Variants in FAF1 observed in about 807,000 individuals in gnomAD.
The protein encoded by FAF1 is Fas associated factor 1.
Under a neutral mutation model 92.5 loss-of-function variants are expected in FAF1, and 25 were observed. The observed-to-expected ratio is 0.27, with a 90% CI of 0.20 to 0.38. FAF1 has a LOEUF of 0.38. FAF1 is among the 10% of genes least tolerant of loss of function. The probability of loss-of-function intolerance (pLI) is 1.00; values close to 1 mark genes in which losing one functional copy is unlikely to be tolerated. For synonymous variants in FAF1, 234 were observed against 273.2 expected (o/e 0.86, Z 1.42); for missense variants, 636 against 793.3 (o/e 0.80, Z 2.38).
At chr1:50,834,976 A>G (rs1033862885) in intron 2 of FAF1, among the ~76,000 whole-genome samples, 3 of 152,232 alleles carry the variant, frequency 2.0e-5, no homozygotes, top group African/African-American at 7.2e-5. Context: ...AATGCAACAG[A>G]TAACACAGCA....
intron 1 of FAF1, among the ~76,000 whole-genome samples, chr1:50,894,968 A>C (rs1181618956): frequency 6.6e-6 from 1 of 152,164 alleles, no homozygotes; most frequent in East Asian, 1.9e-4. Flanking sequence ...ATACATCTTA[A>C]AGAACTGGAA....
At chr1:50,900,665 C>A (rs1441481548) in intron 1 of FAF1, among the ~76,000 whole-genome samples, 1 of 152,168 alleles carries the variant, frequency 6.6e-6, no homozygotes, top group African/African-American at 2.4e-5. Flanking sequence ...AAGCAACAAG[C>A]TCACAGCACA....
chr1:50,696,933 T>C (rs553424192), intron 7 of FAF1, among the ~76,000 whole-genome samples: 1 of 152,336 alleles, frequency 6.6e-6, no homozygotes, highest in African/African-American at 2.4e-5. Flanking sequence ...AAATCTTTCA[T>C]GTAGGATGAA....
intron 13 of FAF1, among the ~76,000 whole-genome samples, chr1:50,554,388 T>TAGAGAGAGAGAGAGAG (rs559745248): frequency 2.0e-5 from 2 of 100,682 alleles, no homozygotes; most frequent in African/African-American, 8.6e-5. Flanking sequence ...TATATATATA[T>TAGAGAGAGAGAGAGAG]ATAGAGAGAG....
At position 50,959,794 on chromosome 1, in the gene FAF1, G is replaced by T. The variant is rs780359068; in HGVS notation, c.18C>A (p.Asp6Glu). Residue 6 changes from aspartate (D) to glutamate (E), a missense_variant, in exon 1 of 19, where the codon GAC (aspartate) becomes GAA (glutamate). Coordinates refer to ENST00000396153, the MANE Select transcript of FAF1 (RefSeq NM_007051.3). ...GAAAATCCGCCAGGATCATCTCCCG[G>T]TCCATGTTGGACGCCATGGCGGCCG... is the stretch of plus-strand genomic sequence containing the variant. MASNMDREMILADFQA... is the reference protein window; with the variant it reads MASNMEREMILADFQA... 6.3e-7 allele frequency: 1 copy of T among 1,596,676 alleles called. No individual in the cohort carries two copies. Among genetic ancestry groups the T allele is most frequent in the East Asian group, 2.3e-5 (1 of 42,642 alleles).
At chr1:50,927,038 G>T (rs552221256) in intron 1 of FAF1, among the ~76,000 whole-genome samples, 1 of 152,122 alleles carries the variant, frequency 6.6e-6, no homozygotes, top group African/African-American at 2.4e-5. Context: ...ATAATTCCAC[G>T]TCTATAAGTA....
chr1:50,820,545 C>G (rs183008292), intron 2 of FAF1, among the ~76,000 whole-genome samples: 20 of 152,044 alleles, frequency 1.3e-4, no homozygotes, highest in Non-Finnish European at 2.8e-4. Flanking sequence ...AATTTCGAGA[C>G]GTAAACAATA....
intron 4 of FAF1, among the ~76,000 whole-genome samples, chr1:50,765,608 C>T (rs1660537687): frequency 6.6e-6 from 1 of 152,104 alleles, no homozygotes; most frequent in Non-Finnish European, 1.5e-5. Flanking sequence ...TGCAATCTTA[C>T]AATAACTAAG....
At chr1:50,793,382 C>T (rs1259729421) in intron 3 of FAF1, among the ~76,000 whole-genome samples, 4 of 152,102 alleles carry the variant, frequency 2.6e-5, no homozygotes, top group African/African-American at 9.7e-5. Flanking sequence ...TAAAATGATG[C>T]TAATTACTGG....
chr1:50,617,565 G>C (rs547971092), intron 8 of FAF1, among the ~76,000 whole-genome samples: 2 of 152,166 alleles, frequency 1.3e-5, no homozygotes, highest in South Asian at 4.2e-4. Context: ...TTTTATTGAG[G>C]AGTTTTGCAT....
intron 2 of FAF1, among the ~76,000 whole-genome samples, chr1:50,816,267 C>T (rs1172509811): frequency 7.0e-6 from 1 of 143,086 alleles, no homozygotes; most frequent in Admixed American, 7.1e-5. Context: ...TGCAGAGGCG[C>T]GATCTCGGCT....
At chr1:50,557,155 G>A (rs1390554306) in intron 13 of FAF1, among the ~76,000 whole-genome samples, 1 of 152,164 alleles carries the variant, frequency 6.6e-6, no homozygotes, top group Non-Finnish European at 1.5e-5. Context: ...TCCTTCCTTA[G>A]CTGAGGTGTG....
chr1:50,584,707 A>C lies in FAF1; in HGVS notation c.945T>G (p.Ser315=). The change falls in exon 10 of 19, where the codon TCT becomes TCG. Residue 315 remains serine, a synonymous_variant. Transcript: ENST00000396153. ...DDGEVFGMAS[S]ALRKSPMMPE... is the part of the protein sequence containing the mutation. ...CACTCATTGGAGATTTTCTCAAGGC[A>C]GATGACGCCATGCCAAATACTTCTC... is the stretch of plus-strand genomic sequence containing the variant. The C allele has an allele frequency of 6.2e-7, 1 of 1,613,630 alleles. No homozygotes were observed.
intron 7 of FAF1, among the ~76,000 whole-genome samples, chr1:50,690,156 C>T (rs1415117451): frequency 6.6e-6 from 1 of 151,794 alleles, no homozygotes; most frequent in Admixed American, 6.6e-5. Context: ...TCACCATGCC[C>T]GGCTAATTTT....
chr1:50,791,479 GGGA>G (rs1240535704), intron 3 of FAF1, among the ~76,000 whole-genome samples: 4 of 152,264 alleles, frequency 2.6e-5, no homozygotes, highest in East Asian at 3.9e-4. Context: ...AGTTAAAGAG[GGGA>G]GGAGATTAGT....
At chr1:50,899,672 T>G (rs1644781531) in intron 1 of FAF1, among the ~76,000 whole-genome samples, 2 of 152,126 alleles carry the variant, frequency 1.3e-5, no homozygotes, top group Non-Finnish European at 2.9e-5. Flanking sequence ...AGGCTGGTCT[T>G]GAGCTCCTGA....
chr1:50,692,761 C>G (rs543671229), intron 7 of FAF1, among the ~76,000 whole-genome samples: 10 of 152,266 alleles, frequency 6.6e-5, no homozygotes, highest in Non-Finnish European at 1.2e-4. Context: ...GCAGGTATCT[C>G]TTTAACACAC....
At chr1:50,900,860 T>C (rs1644791018) in intron 1 of FAF1, among the ~76,000 whole-genome samples, 2 of 152,164 alleles carry the variant, frequency 1.3e-5, no homozygotes, top group African/African-American at 2.4e-5. Flanking sequence ...CATATACATA[T>C]GCTATGTATA....
At chr1:50,659,418 T>C (rs750792176) in intron 7 of FAF1, among the ~76,000 whole-genome samples, 24 of 152,154 alleles carry the variant, frequency 1.6e-4, no homozygotes, top group Non-Finnish European at 2.9e-4. Context: ...GAGAGCACTT[T>C]AGAGAAGTAA....
Sources: gnomAD v4.1 joint callset for allele counts (sites outside exome capture counted in the v4.1 genomes callset) on GRCh38, gnomAD v4.1.1 for gene constraint, MANE v1.5 for transcripts, NCBI Gene and HGNC (gene_info 2026-07-23, HGNC 2026-07-21) for gene names.